OR2L13: variants seen among roughly 807,000 people sequenced by gnomAD.
OR2L13 encodes the protein olfactory receptor 2L13.
In OR2L13, 14 loss-of-function variants were observed where a neutral mutation model predicts 15.3. The observed-to-expected ratio is 0.91, with a 90% CI of 0.60 to 1.43. The LOEUF (loss-of-function observed/expected upper bound fraction) is 1.43. Among genes scored for constraint, OR2L13 ranks in the 40% most tolerant of loss-of-function variants. The probability of loss-of-function intolerance (pLI) is 0.00; values close to 1 mark genes in which losing one functional copy is unlikely to be tolerated. For missense variants in OR2L13, 367 were observed against 387.9 expected (o/e 0.95, Z 0.45); for synonymous variants, 152 against 142.9 (o/e 1.06, Z -0.45).
At chr1:247,969,002 A>G in the OR2L13 span, among the ~76,000 whole-genome samples, 5 of 152,090 alleles carry the variant, frequency 3.3e-5, no homozygotes, top group African/African-American at 1.2e-4. Context: ...CCTCTCCAAC[A>G]TCTGTTGTTT....
chr1:248,078,629 G>T, the OR2L13 span, among the ~76,000 whole-genome samples: 2 of 152,054 alleles, frequency 1.3e-5, no homozygotes, highest in South Asian at 2.1e-4. Context: ...TTATCCTAGA[G>T]AAATAAAAAC....
chr1:247,967,085 C>T, the OR2L13 span, among the ~76,000 whole-genome samples: 3 of 95,170 alleles, frequency 3.2e-5, no homozygotes, highest in Non-Finnish European at 5.1e-5. Flanking sequence ...CACCCGGGGC[C>T]ACCCAGGCAC....
At chr1:248,027,984 C>A in the OR2L13 span, among the ~76,000 whole-genome samples, 1 of 151,172 alleles carries the variant, frequency 6.6e-6, no homozygotes, top group Non-Finnish European at 1.5e-5. Flanking sequence ...ACTAAAAATA[C>A]AAAAAAATTA....
the OR2L13 span, among the ~76,000 whole-genome samples, chr1:247,956,454 A>G: frequency 3.3e-5 from 5 of 151,462 alleles, no homozygotes; most frequent in East Asian, 9.8e-4. Flanking sequence ...TATGAACTTT[A>G]AAGTAGTTTT....
At chr1:248,071,726 C>A in the OR2L13 span, among the ~76,000 whole-genome samples, 32 of 150,274 alleles carry the variant, frequency 2.1e-4, 2 homozygotes, top group Non-Finnish European at 4.0e-4. Flanking sequence ...ATCTAGAAAA[C>A]CCCATTGTCT....
chr1:247,954,633 T>G, the OR2L13 span, among the ~76,000 whole-genome samples: 3 of 152,078 alleles, frequency 2.0e-5, no homozygotes, highest in Non-Finnish European at 4.4e-5. Flanking sequence ...TTTTTTTGAT[T>G]TTTTGAGTAC....
At chr1:248,066,640 CTTTTAA>C in the OR2L13 span, among the ~76,000 whole-genome samples, 1 of 152,164 alleles carries the variant, frequency 6.6e-6, no homozygotes, top group Non-Finnish European at 1.5e-5. Context: ...TCATATGATC[CTTTTAA>C]TTTTATCTGC....
chr1:248,052,872 T>G, the OR2L13 span, among the ~76,000 whole-genome samples: 7 of 152,184 alleles, frequency 4.6e-5, no homozygotes, highest in East Asian at 1.3e-3. Flanking sequence ...AAAAAAAATT[T>G]ATCATTTTAA....
the OR2L13 span, chr1:248,021,810 T>A: frequency 6.6e-6 from 4 of 607,202 alleles, no homozygotes; most frequent in Non-Finnish European, 1.2e-5. Context: ...TAAAAAATAG[T>A]GTATATAGGG....
upstream of OR2L13, among the ~76,000 whole-genome samples, chr1:248,093,926 T>G (rs958564261): frequency 6.6e-6 from 1 of 151,452 alleles, no homozygotes; most frequent in African/African-American, 2.4e-5. Flanking sequence ...CAGAGTAGAG[T>G]AGAGTGGGGA....
chr1:247,975,078 C>T, the OR2L13 span: 1 of 329,592 alleles, frequency 3.0e-6, no homozygotes. Context: ...GAAATGCTGC[C>T]ACTGACATCA....
the OR2L13 span, among the ~76,000 whole-genome samples, chr1:248,045,218 G>T: frequency 6.6e-6 from 1 of 152,142 alleles, no homozygotes; most frequent in South Asian, 2.1e-4. Flanking sequence ...ATTTAAAAAT[G>T]TAAAATAAAC....
the OR2L13 span, among the ~76,000 whole-genome samples, chr1:248,045,066 T>G: frequency 5.9e-5 from 9 of 152,296 alleles, no homozygotes; most frequent in African/African-American, 2.2e-4. Context: ...CTTGCTCTTT[T>G]ACAACAGATT....
At chr1:248,024,791 G>A in the OR2L13 span, among the ~76,000 whole-genome samples, 2 of 152,126 alleles carry the variant, frequency 1.3e-5, no homozygotes, top group Non-Finnish European at 2.9e-5. Context: ...CCAGTACCAC[G>A]CTGTTTTGGT....
chr1:248,009,088 A>G, the OR2L13 span, among the ~76,000 whole-genome samples: 1 of 152,202 alleles, frequency 6.6e-6, no homozygotes, highest in African/African-American at 2.4e-5. Flanking sequence ...GAAAGCGGGA[A>G]AAATCTAAAA....
At chr1:247,984,391 T>G in the OR2L13 span, among the ~76,000 whole-genome samples, 2 of 152,144 alleles carry the variant, frequency 1.3e-5, no homozygotes, top group Non-Finnish European at 2.9e-5. Flanking sequence ...GATCATAGAC[T>G]GCCCTGTATA....
chr1:248,090,041 A>G, the OR2L13 span, among the ~76,000 whole-genome samples: 1 of 152,098 alleles, frequency 6.6e-6, no homozygotes, highest in Non-Finnish European at 1.5e-5. Flanking sequence ...CCTCCCTTTA[A>G]AAACTTACCT....
At chr1:248,002,962 A>G in the OR2L13 span, among the ~76,000 whole-genome samples, 1 of 152,112 alleles carries the variant, frequency 6.6e-6, no homozygotes, top group Admixed American at 6.5e-5. Flanking sequence ...GAATTCAGCT[A>G]TAATCCATCT....
At chr1:247,985,649 G>A in the OR2L13 span, among the ~76,000 whole-genome samples, 1 of 152,050 alleles carries the variant, frequency 6.6e-6, no homozygotes, top group Non-Finnish European at 1.5e-5. Flanking sequence ...TGGGTCAAAT[G>A]GTATTTCTAG....
Sources: allele counts gnomAD v4.1 joint callset (sites outside exome capture counted in the v4.1 genomes callset), GRCh38; gene constraint gnomAD v4.1.1; transcripts MANE v1.5; gene names NCBI Gene and HGNC (gene_info 2026-07-23, HGNC 2026-07-21).